The following PCLO variants were observed in gnomAD, a reference collection of about 807,000 sequenced individuals.
The protein encoded by PCLO is piccolo presynaptic cytomatrix protein, also known as protein piccolo.
In PCLO, 82 loss-of-function variants were observed where a neutral mutation model predicts 427.5. That is an observed-to-expected ratio of 0.19 (90% CI 0.16 to 0.23). The LOEUF is 0.23. PCLO is among the 10% of genes least tolerant of loss of function. The pLI is 1.00. For missense variants in PCLO, 6,239 were observed against 6,115.9 expected (o/e 1.02, Z -0.67); for synonymous variants, 2,357 against 2,155.4 (o/e 1.09, Z -2.59).
intron 22 of PCLO, among the ~76,000 whole-genome samples, chr7:82,796,377 C>G (rs1443536089): frequency 1.3e-5 from 2 of 152,070 alleles, no homozygotes; most frequent in Non-Finnish European, 2.9e-5. Flanking sequence ...TTTCCCCTTG[C>G]ACCCTTTGCT....
At position 83,079,158 on chromosome 7, in the gene PCLO, T is replaced by C. The variant is rs555265697; in HGVS notation, c.3300+55092A>G. 1.1e-4 allele frequency among the ~76,000 whole-genome samples: 16 copies of C among 152,222 alleles called. 1 individual carries two copies. The South Asian group carries it at 2.5e-3, about 24-fold the overall frequency. ...GGATGGAATTAAAATTAGGACTACA[T>C]TAAAAAATTGATTTCTGTATTTCAA... On this transcript the variant is annotated intron_variant, in intron 3 of 24. Coordinates refer to ENST00000333891, the MANE Select transcript of PCLO (RefSeq NM_033026.6).
At chr7:82,794,346 T>C (rs1389037047) in intron 22 of PCLO, among the ~76,000 whole-genome samples, 1 of 151,820 alleles carries the variant, frequency 6.6e-6, no homozygotes, top group East Asian at 1.9e-4. Context: ...TTGAGCCTGA[T>C]AGGTTAATCA....
Position 82,826,653 on chromosome 7 carries a change from T to C in PCLO, c.14351A>G (p.Lys4784Arg). 1 of 1,600,702 alleles carries C rather than the reference T, an allele frequency of 6.2e-7. No homozygotes were observed. The highest frequency in any genetic ancestry group is 8.5e-7 in the Non-Finnish European group (1 of 1,170,140). The change falls in exon 18 of 25, where the codon AAG becomes AGG. Residue 4784 changes from lysine (K) to arginine (R), a missense_variant. Coordinates refer to ENST00000333891, the MANE Select transcript of PCLO (RefSeq NM_033026.6). Reference protein sequence around the residue: ...YKSISMEQLKKKTLEVTVWDY... With the variant: ...YKSISMEQLKRKTLEVTVWDY... ...CCAAACTGTCACCTCCAGTGTTTTCTTCTTGAGCTATATAGTTCAAATAGA... is the reference window on the plus strand; with the variant it reads ...CCAAACTGTCACCTCCAGTGTTTTCCTCTTGAGCTATATAGTTCAAATAGA...
At chr7:82,930,643 T>C (rs958346759) in intron 6 of PCLO, among the ~76,000 whole-genome samples, 7 of 152,164 alleles carry the variant, frequency 4.6e-5, no homozygotes, top group Admixed American at 4.6e-4. Context: ...TGGTAGATAA[T>C]TTCTTACCTA....
chr7:82,950,619 A>C lies in PCLO; in HGVS notation c.9969T>G (p.Ser3323=). The change falls in exon 6 of 25, where the codon TCT becomes TCG. Residue 3323 remains serine, a synonymous_variant. Transcript: ENST00000333891. ...TAGTGGTTTGTGGAGAAGCAGTTCC[A>C]GAAGGGTCATAGTTATACTGGTAGA... ...RQIYQYNYDP[S]GTASPQTTTE... The C allele has an allele frequency of 6.2e-7, 1 of 1,613,878 alleles. No homozygotes were observed. Among genetic ancestry groups the C allele is most frequent in the Non-Finnish European group, 8.5e-7 (1 of 1,179,842 alleles).
At chr7:83,094,970 C>A (rs1447854111) in intron 3 of PCLO, among the ~76,000 whole-genome samples, 1 of 152,106 alleles carries the variant, frequency 6.6e-6, no homozygotes, top group African/African-American at 2.4e-5. Context: ...CAGGGTAATG[C>A]TAACTTCACA....
Position 82,901,259 on chromosome 7 carries a change from C to T in PCLO, c.13528+1392G>A, listed in dbSNP as rs116259602. 9.5e-3 allele frequency among the ~76,000 whole-genome samples: 1,448 copies of T among 151,776 alleles called. 25 individuals carry two copies. The highest frequency in any genetic ancestry group is 0.033 in the African/African-American group (1,358 of 41,430). Reference sequence around the variant, plus strand: ...TTATTTTTTTACATTTCTCAAAACACGATTTTTGATATAAAAAGTGATGTT... The same window carrying T: ...TTATTTTTTTACATTTCTCAAAACATGATTTTTGATATAAAAAGTGATGTT... On this transcript the variant is annotated intron_variant, in intron 9 of 24. Coordinates refer to ENST00000333891, the MANE Select transcript of PCLO (RefSeq NM_033026.6).
intron 6 of PCLO, among the ~76,000 whole-genome samples, chr7:82,927,530 C>T (rs988755838): frequency 4.6e-5 from 7 of 152,224 alleles, no homozygotes; most frequent in African/African-American, 1.7e-4. Context: ...ATCAGCATAT[C>T]GATCCTTTTT....
At chr7:83,073,357 A>C (rs1445552537) in intron 3 of PCLO, among the ~76,000 whole-genome samples, 1 of 152,058 alleles carries the variant, frequency 6.6e-6, no homozygotes, top group Non-Finnish European at 1.5e-5. Flanking sequence ...AGAAAACCTT[A>C]TTGAGTACAT....
intron 3 of PCLO, among the ~76,000 whole-genome samples, chr7:83,127,488 T>C (rs1260838699): frequency 9.9e-5 from 15 of 152,124 alleles, no homozygotes. Context: ...AACCCATTCA[T>C]TTTCCTTCAG....
At chr7:83,157,896 C>T (rs1440206411) in intron 1 of PCLO, among the ~76,000 whole-genome samples, 2 of 151,896 alleles carry the variant, frequency 1.3e-5, no homozygotes, top group Non-Finnish European at 2.9e-5. Flanking sequence ...ATTGGGTTTA[C>T]CAAAATTTAC....
chr7:83,068,199 G>C (rs1789717274), intron 3 of PCLO, among the ~76,000 whole-genome samples: 1 of 151,962 alleles, frequency 6.6e-6, no homozygotes, highest in South Asian at 2.1e-4. Flanking sequence ...AGAGTTCTAG[G>C]TAACAAGGTA....
At chr7:83,152,121 C>T (rs923313451) in intron 2 of PCLO, among the ~76,000 whole-genome samples, 10 of 152,054 alleles carry the variant, frequency 6.6e-5, no homozygotes, top group South Asian at 2.1e-4. Context: ...CCCGCCACCA[C>T]GCCCGGCTAA....
At chr7:82,929,417 C>T (rs1403201544) in intron 6 of PCLO, among the ~76,000 whole-genome samples, 3 of 152,008 alleles carry the variant, frequency 2.0e-5, no homozygotes, top group South Asian at 2.1e-4. Context: ...TCTATGTTTG[C>T]CTAATGTTAT....
At chr7:83,072,225 T>C (rs946064577) in intron 3 of PCLO, among the ~76,000 whole-genome samples, 3 of 152,092 alleles carry the variant, frequency 2.0e-5, no homozygotes, top group African/African-American at 2.4e-5. Context: ...GTGTGAGATG[T>C]ATGCATGTAT....
chr7:83,028,241 TA>T (rs1385624948), intron 3 of PCLO, among the ~76,000 whole-genome samples: 119 of 151,132 alleles, frequency 7.9e-4, no homozygotes, highest in African/African-American at 2.7e-3. Context: ...CTTAAGCTGA[TA>T]AGCAACTTCA....
At chr7:82,792,690 C>T (rs1791129847) in intron 22 of PCLO, among the ~76,000 whole-genome samples, 1 of 152,102 alleles carries the variant, frequency 6.6e-6, no homozygotes, top group Non-Finnish European at 1.5e-5. Flanking sequence ...ATATCTCAAC[C>T]CGTTATTTTA....
At chr7:83,032,993 T>C (rs1293148994) in intron 3 of PCLO, among the ~76,000 whole-genome samples, 1 of 152,086 alleles carries the variant, frequency 6.6e-6, no homozygotes, top group Non-Finnish European at 1.5e-5. Flanking sequence ...GTTCTTGTGA[T>C]AGTGAGGGAG....
At chr7:83,113,993 C>T (rs901734708) in intron 3 of PCLO, among the ~76,000 whole-genome samples, 3 of 152,022 alleles carry the variant, frequency 2.0e-5, no homozygotes, top group South Asian at 4.1e-4. Flanking sequence ...TAAGGGGATA[C>T]ATATTTGTAC....
Sources: gnomAD v4.1 joint callset for allele counts (sites outside exome capture counted in the v4.1 genomes callset) on GRCh38, gnomAD v4.1.1 for gene constraint, MANE v1.5 for transcripts, NCBI Gene and HGNC (gene_info 2026-07-23, HGNC 2026-07-21) for gene names.